POU2AF1: variants seen among roughly 807,000 people sequenced by gnomAD.
The protein encoded by POU2AF1 is POU class 2 homeobox associating factor 1.
In POU2AF1, 12 loss-of-function variants were observed where a neutral mutation model predicts 26.3. That is an observed-to-expected ratio of 0.46 (90% CI 0.29 to 0.74). The LOEUF (loss-of-function observed/expected upper bound fraction) is 0.74. Ranked by LOEUF, POU2AF1 falls within the 30% of genes least tolerant of loss-of-function variation. The pLI, the probability that POU2AF1 is intolerant of heterozygous loss-of-function variation, is 0.09. For missense variants in POU2AF1, 297 were observed against 334.5 expected (o/e 0.89, Z 0.87); for synonymous variants, 175 against 148.0 (o/e 1.18, Z -1.32).
At chr11:111,359,542 T>C in intron 1 of POU2AF1, 1 of 185,558 alleles carries the variant, frequency 5.4e-6, no homozygotes, top group Non-Finnish European at 1.1e-5. Flanking sequence ...TGTGTGATCC[T>C]GGGCAAGTTA....
intron 1 of POU2AF1, among the ~76,000 whole-genome samples, chr11:111,374,026 T>C (rs531020892): frequency 6.6e-6 from 1 of 152,204 alleles, no homozygotes; most frequent in African/African-American, 2.4e-5. Flanking sequence ...AAAAAACACT[T>C]TGTAATGGGA....
chr11:111,358,915 G>T lies in POU2AF1; in HGVS notation c.20C>A (p.Thr7Lys). Reference sequence around the variant, plus strand: ...CGGGGCTGGGGCTTGCTCCGGAGCTGTGGCTGTGAAAAGCAATGTCCCTGG... The same window carrying T: ...CGGGGCTGGGGCTTGCTCCGGAGCTTTGGCTGTGAAAAGCAATGTCCCTGG... The part of the protein sequence containing the change: MLWQKP[T>K]APEQAPAPAR... Residue 7 changes from threonine (T) to lysine (K), a missense_variant, in exon 2 of 5, where the codon ACA (threonine) becomes AAA (lysine). Transcript: ENST00000393067. 3.1e-6 allele frequency: 5 copies of T among 1,602,124 alleles called. No individual in the cohort carries two copies. The highest frequency in any genetic ancestry group is 4.2e-6 in the Non-Finnish European group (5 of 1,178,278).
intron 4 of POU2AF1, 117 bp from the exon 5 acceptor site, chr11:111,354,692 A>T: frequency 1.1e-6 from 1 of 926,846 alleles, no homozygotes; most frequent in East Asian, 3.0e-5. Context: ...CTGGTTTCTC[A>T]CTTCATGGGG....
At chr11:111,355,586 ACCT>A (rs1272380883) in intron 4 of POU2AF1, among the ~76,000 whole-genome samples, 1 of 151,626 alleles carries the variant, frequency 6.6e-6, no homozygotes. Flanking sequence ...GCTTTTCTCA[ACCT>A]CCTGGGGATC....
chr11:111,371,960 C>T (rs922794262), intron 1 of POU2AF1, among the ~76,000 whole-genome samples: 6 of 151,962 alleles, frequency 3.9e-5, no homozygotes, highest in African/African-American at 1.5e-4. Context: ...AGAAGTGTCA[C>T]TCTCTAACTC....
intron 1 of POU2AF1, among the ~76,000 whole-genome samples, chr11:111,378,125 G>A (rs1021159782): frequency 1.3e-5 from 2 of 152,182 alleles, no homozygotes; most frequent in African/African-American, 2.4e-5. Context: ...TTTAATCAAT[G>A]AAGTTATATT....
chr11:111,358,372 ACACT>A (rs1271937661), intron 2 of POU2AF1, among the ~76,000 whole-genome samples: 2 of 100,870 alleles, frequency 2.0e-5, no homozygotes, highest in Non-Finnish European at 2.3e-5. Context: ...ACACACTCAC[ACACT>A]CTCTCACACA....
Position 111,357,691 on chromosome 11 carries a change from C to T in POU2AF1, c.210G>A (p.Met70Ile), listed in dbSNP as rs1860877025. ...CTGTCACTGCAGACACAGAACCTTC[C>T]ATGTCCAGGCAGGAAGGACCTGTGG... is the stretch of plus-strand genomic sequence containing the variant. Reference protein sequence around the residue: ...YTTVGPSCLDMEGSVSAVTEE... With the variant: ...YTTVGPSCLDIEGSVSAVTEE... Residue 70 changes from methionine (M) to isoleucine (I), a missense_variant, in exon 4 of 5, where the codon ATG becomes ATA. By Grantham distance (10) the Met-to-Ile change is conservative. Coordinates refer to ENST00000393067, the MANE Select transcript of POU2AF1 (RefSeq NM_006235.3). 1.9e-6 allele frequency: 3 copies of T among 1,612,662 alleles called. No individual in the cohort carries two copies. In the African/African-American group the frequency reaches 4.0e-5, roughly 22 times the overall value.
rs1030873649 is a variant in POU2AF1 at position 111,372,314 on chromosome 11, C to T, written c.16+6848G>A. On this transcript the variant is annotated intron_variant, in intron 1 of 4. Coordinates refer to ENST00000393067, the MANE Select transcript of POU2AF1 (RefSeq NM_006235.3). Reference sequence around the variant, plus strand: ...TCTTCAAACTGTCCCGCAGAAGAGGCCCAGCAGCAAGCAGAGACCTTGTTT... The same window carrying T: ...TCTTCAAACTGTCCCGCAGAAGAGGTCCAGCAGCAAGCAGAGACCTTGTTT... 2.0e-5 allele frequency among the ~76,000 whole-genome samples: 3 copies of T among 152,110 alleles called. No homozygotes were observed. In the East Asian group the frequency reaches 5.8e-4, roughly 29 times the overall value.
chr11:111,368,182 G>C (rs1044298766), intron 1 of POU2AF1, among the ~76,000 whole-genome samples: 3 of 152,176 alleles, frequency 2.0e-5, no homozygotes, highest in Admixed American at 6.5e-5. Context: ...TGGTTTGTTT[G>C]GTTGGTTTCC....
intron 1 of POU2AF1, among the ~76,000 whole-genome samples, chr11:111,367,411 G>A (rs1370994690): frequency 6.6e-6 from 1 of 152,046 alleles, no homozygotes; most frequent in Non-Finnish European, 1.5e-5. Flanking sequence ...TCAGTACAAC[G>A]TATTCCTCTT....
chr11:111,355,378 A>G (rs1860823292), intron 4 of POU2AF1, among the ~76,000 whole-genome samples: 1 of 152,194 alleles, frequency 6.6e-6, no homozygotes. Context: ...ACCTCAGATC[A>G]GGCCTGCAAC....
At chr11:111,356,967 C>T (rs1444266197) in intron 4 of POU2AF1, among the ~76,000 whole-genome samples, 6 of 152,230 alleles carry the variant, frequency 3.9e-5, no homozygotes. Flanking sequence ...AATTACCCCA[C>T]ACGTGGGTCT....
chr11:111,368,435 G>A (rs1044651061), intron 1 of POU2AF1, among the ~76,000 whole-genome samples: 14 of 152,014 alleles, frequency 9.2e-5, no homozygotes, highest in African/African-American at 2.9e-4. Context: ...TTGGCTGATT[G>A]GCCCACCAAG....
intron 4 of POU2AF1, among the ~76,000 whole-genome samples, chr11:111,357,023 G>A (rs1171754873): frequency 6.6e-6 from 1 of 152,200 alleles, no homozygotes; most frequent in Non-Finnish European, 1.5e-5. Context: ...GAAATCTTCT[G>A]TTAAACCCCA....
In POU2AF1 at chr11:111,353,057, A is replaced by AAG. The variant is rs1565357248; in HGVS notation, c.*1203_*1204insCT. ...AGGAAGGAAGGAAGGAAGGAAGGAA[A>AAG]GAAACAAAACCCACATGGTAGCACT... is the stretch of plus-strand genomic sequence containing the variant. On this transcript the variant is annotated 3_prime_UTR_variant, in exon 5 of 5. Transcript: ENST00000393067. 4.3e-5 allele frequency: 8 copies of AAG among 183,966 alleles called. No homozygotes were observed. The highest frequency in any genetic ancestry group is 2.1e-4 in the South Asian group (1 of 4,820). The allele number at this position is 183,966 out of a possible 1,614,324, so 11.4% of individuals were successfully genotyped here.
rs1449809426 is a variant in POU2AF1, at chr11:111,354,276, A to G, written c.756T>C (p.Ser252=). ...SDAYALNHTL[S]VEGF ...GGAGCCACGCCTAAAAGCCTTCCAC[A>G]GAGAGAGTGTGGTTAAGCGCATAGG... is the stretch of plus-strand genomic sequence containing the variant. Residue 252 remains serine (S), a synonymous_variant, in exon 5 of 5, where the codon TCT becomes TCC. Coordinates refer to ENST00000393067, the MANE Select transcript of POU2AF1 (RefSeq NM_006235.3). The G allele has an allele frequency of 6.2e-7, 1 of 1,614,044 alleles. No homozygotes were observed. The highest frequency in any genetic ancestry group is 8.5e-7 in the Non-Finnish European group (1 of 1,180,014).
chr11:111,356,262 A>G (rs1294015940), intron 4 of POU2AF1, among the ~76,000 whole-genome samples: 1 of 152,224 alleles, frequency 6.6e-6, no homozygotes, highest in Non-Finnish European at 1.5e-5. Flanking sequence ...TCTGACATGG[A>G]AATGAGTTGC....
At chr11:111,360,859 G>C (rs1860992894) in intron 1 of POU2AF1, among the ~76,000 whole-genome samples, 1 of 151,552 alleles carries the variant, frequency 6.6e-6, no homozygotes, top group South Asian at 2.1e-4. Context: ...CAGGGGAATG[G>C]CTTGAACCTG....
Sources: allele counts gnomAD v4.1 joint callset (sites outside exome capture counted in the v4.1 genomes callset), GRCh38; gene constraint gnomAD v4.1.1; transcripts MANE v1.5; gene names NCBI Gene and HGNC (gene_info 2026-07-23, HGNC 2026-07-21).